KALRN: variants seen among roughly 807,000 people sequenced by gnomAD.
KALRN encodes the protein kalirin RhoGEF kinase.
Under a neutral mutation model 353.7 loss-of-function variants are expected in KALRN, and 70 were observed. That is an observed-to-expected ratio of 0.20 (90% CI 0.16 to 0.24). KALRN has a LOEUF of 0.24. Among genes scored for constraint, KALRN ranks in the 10% least tolerant of loss-of-function variants. The pLI is 1.00. For missense variants in KALRN, 2,791 were observed against 3,756.7 expected, an observed-to-expected ratio of 0.74 and a Z score of 6.72; for synonymous variants, 1,391 against 1,434.8, an observed-to-expected ratio of 0.97 and a Z score of 0.69.
chr3:124,462,486 C>T, intron 24 of KALRN, 38 bp from the exon 25 acceptor site: 1 of 1,229,362 alleles, frequency 8.1e-7, no homozygotes, highest in Non-Finnish European at 1.2e-6. Context: ...ATATGGCCTG[C>T]CAGACTTGCC....
intron 1 of KALRN, among the ~76,000 whole-genome samples, chr3:124,035,093 G>A (rs2039295785): frequency 6.6e-6 from 1 of 152,138 alleles, no homozygotes; most frequent in South Asian, 2.1e-4. Flanking sequence ...AGGAGCTGGT[G>A]CCAGGGTCTG....
intron 1 of KALRN, chr3:124,094,880 C>T (rs767031719): frequency 1.2e-6 from 2 of 1,614,062 alleles, no homozygotes; most frequent in East Asian, 2.2e-5. Flanking sequence ...CTGGTATCTC[C>T]GCTTGCTCCG....
rs73858460 is a variant in KALRN, at chr3:124,410,743, T to C, written c.2347-2727T>C. 2.0e-3 allele frequency among the ~76,000 whole-genome samples: 310 copies of C among 152,272 alleles called. 3 individuals are homozygous for C. The highest frequency in any genetic ancestry group is 7.1e-3 in the African/African-American group (297 of 41,552). ...AACCGGAACTTGAATACGTTGCTCC[T>C]GGGTATGTAAAATATTACAATCATT... On this transcript the variant is annotated intron_variant, in intron 13 of 59. Transcript: ENST00000682506.
intron 1 of KALRN, among the ~76,000 whole-genome samples, chr3:124,144,115 C>T (rs1031790850): frequency 6.6e-6 from 1 of 152,104 alleles, no homozygotes; most frequent in African/African-American, 2.4e-5. Context: ...AATAGCATCC[C>T]AAATTGACTC....
chr3:124,313,572 A>G (rs1402573510), intron 6 of KALRN, among the ~76,000 whole-genome samples: 1 of 152,146 alleles, frequency 6.6e-6, no homozygotes, highest in Non-Finnish European at 1.5e-5. Flanking sequence ...ACTAGACCCA[A>G]AGGAGAGAAG....
chr3:124,063,865 C>T lies in KALRN; in HGVS notation c.73+30052C>T, dbSNP rs549222101. Among the ~76,000 whole-genome samples the T allele has an allele frequency of 2.0e-5, 3 of 152,218 alleles. No individual in the cohort carries two copies. The South Asian group carries it at 6.2e-4, about 32-fold the overall frequency. ...CTAGTAGGGATCAGAAAGGCTGGGC[C>T]AGCCTTTAGGAGACGTGGTTCTGAA... is the stretch of plus-strand genomic sequence containing the variant. On this transcript the variant is annotated intron_variant, in intron 1 of 59. Transcript: ENST00000682506.
chr3:124,408,433 T>TAGA (rs2091814592), intron 13 of KALRN, among the ~76,000 whole-genome samples: 1 of 152,182 alleles, frequency 6.6e-6, no homozygotes, highest in Admixed American at 6.5e-5. Context: ...AATGCTCAGC[T>TAGA]CTACCACCAC....
intron 26 of KALRN, among the ~76,000 whole-genome samples, chr3:124,475,749 C>CTCAAGACCT (rs1003344350): frequency 1.3e-5 from 2 of 152,168 alleles, no homozygotes; most frequent in African/African-American, 2.4e-5. Context: ...AGTCCCACAA[C>CTCAAGACCT]TCAAGACCTG....
chr3:124,341,896 G>C (rs1435396566), intron 9 of KALRN, among the ~76,000 whole-genome samples: 1 of 152,118 alleles, frequency 6.6e-6, no homozygotes, highest in Non-Finnish European at 1.5e-5. Flanking sequence ...GTAGGAGGTA[G>C]CCTGGAAAGT....
intron 6 of KALRN, among the ~76,000 whole-genome samples, chr3:124,324,459 A>C (rs1047793325): frequency 6.6e-6 from 1 of 152,230 alleles, no homozygotes; most frequent in African/African-American, 2.4e-5. Context: ...CCTAACTCAG[A>C]AAACAAGGCT....
intron 21 of KALRN, among the ~76,000 whole-genome samples, chr3:124,452,793 C>G (rs1477061848): frequency 1.3e-5 from 2 of 152,208 alleles, no homozygotes; most frequent in Non-Finnish European, 2.9e-5. Context: ...CTCTTGGTCA[C>G]AAACTATTTG....
intron 9 of KALRN, among the ~76,000 whole-genome samples, chr3:124,343,948 A>G (rs1298814932): frequency 6.6e-6 from 1 of 152,244 alleles, no homozygotes; most frequent in Non-Finnish European, 1.5e-5. Context: ...GAATACTTAT[A>G]TACCCACACA....
chr3:124,284,523 G>T (rs2149071573), intron 5 of KALRN, among the ~76,000 whole-genome samples: 1 of 152,228 alleles, frequency 6.6e-6, no homozygotes, highest in South Asian at 2.1e-4. Context: ...TGCCAAGTTG[G>T]ACCAAGTGCT....
At chr3:124,584,909 G>A in intron 34 of KALRN, 1 of 1,598,502 alleles carries the variant, frequency 6.3e-7, no homozygotes, top group Non-Finnish European at 8.5e-7. Flanking sequence ...GTGTAGAGGT[G>A]AGTGGCTGTC....
At chr3:124,654,346 G>A (rs912635156) in intron 38 of KALRN, among the ~76,000 whole-genome samples, 2 of 152,220 alleles carry the variant, frequency 1.3e-5, no homozygotes, top group Non-Finnish European at 2.9e-5. Context: ...CCAGGCTCCA[G>A]GAATGTGGTG....
At chr3:124,456,914 C>T (rs2059362053) in intron 23 of KALRN, among the ~76,000 whole-genome samples, 186 bp downstream of exon 23, 1 of 152,190 alleles carries the variant, frequency 6.6e-6, no homozygotes, top group South Asian at 2.1e-4. Flanking sequence ...TCCAGTCTGT[C>T]CTTCACCTGA....
At chr3:124,292,495 G>A (rs950470346) in intron 5 of KALRN, among the ~76,000 whole-genome samples, 2 of 152,166 alleles carry the variant, frequency 1.3e-5, no homozygotes, top group Non-Finnish European at 2.9e-5. Flanking sequence ...AAGATTCCCT[G>A]GTCAGGCCAC....
At chr3:124,608,549 C>A (rs1482034741) in intron 34 of KALRN, among the ~76,000 whole-genome samples, 1 of 152,126 alleles carries the variant, frequency 6.6e-6, no homozygotes. Context: ...CCCCTCCCTC[C>A]TGATAGTCTG....
intron 1 of KALRN, among the ~76,000 whole-genome samples, chr3:124,138,655 C>T (rs950871291): frequency 6.6e-6 from 1 of 152,168 alleles, no homozygotes; most frequent in African/African-American, 2.4e-5. Context: ...ATGTATTCTC[C>T]TCCTCCTTTC....
Sources: allele counts gnomAD v4.1 joint callset (sites outside exome capture counted in the v4.1 genomes callset), GRCh38; gene constraint gnomAD v4.1.1; transcripts MANE v1.5; gene names NCBI Gene and HGNC (gene_info 2026-07-23, HGNC 2026-07-21).